The following PRDM6 variants were observed in gnomAD, a reference collection of about 807,000 sequenced individuals.
PRDM6 encodes putative histone-lysine N-methyltransferase PRDM6.
PRDM6 carries 25 observed loss-of-function variants against 60.8 expected under a neutral mutation model. That is an observed-to-expected ratio of 0.41 (90% CI 0.30 to 0.57). The LOEUF is 0.57. Among genes scored for constraint, PRDM6 ranks in the 20% least tolerant of loss-of-function variants. The pLI is 0.27. For missense variants in PRDM6, 839 were observed against 821.3 expected, an observed-to-expected ratio of 1.02 and a Z score of -0.26; for synonymous variants, 407 against 357.4, an observed-to-expected ratio of 1.14 and a Z score of -1.57.
intron 3 of PRDM6, among the ~76,000 whole-genome samples, chr5:123,103,543 A>G (rs923198727): frequency 6.6e-6 from 1 of 152,094 alleles, no homozygotes; most frequent in African/African-American, 2.4e-5. Flanking sequence ...GAATGAGATA[A>G]TTTTATCCTA....
At chr5:123,127,168 G>T (rs1764712104) in intron 3 of PRDM6, among the ~76,000 whole-genome samples, 1 of 152,116 alleles carries the variant, frequency 6.6e-6, no homozygotes, top group African/African-American at 2.4e-5. Flanking sequence ...CTCCAGAGCA[G>T]CTGGGATTAC....
rs561814679 is a variant in PRDM6 at position 123,090,182 on chromosome 5, C to CCGCCG, written c.169_170insGCCGC (p.Pro57ArgfsTer68). ...AGCCTCTTCAGCCGCCGCCGCCGCC[C>CCGCCG]CCGCCCCCGGAGCGCGCTGAGCCTC... is the stretch of plus-strand genomic sequence containing the variant. On this transcript the variant is annotated frameshift_variant, in exon 2 of 8. Transcript: ENST00000407847. LOFTEE classifies it high-confidence loss of function. The CCGCCG allele has an allele frequency of 1.9e-3, 2,810 of 1,476,428 alleles. 46 individuals carry two copies. The African/African-American group carries it at 0.038, about 20-fold the overall frequency. The allele number at this position is 1,476,428 out of a possible 1,614,324, so 91.5% of individuals were successfully genotyped here.
chr5:123,172,043 T>C (rs752027466), intron 6 of PRDM6, among the ~76,000 whole-genome samples: 4 of 152,150 alleles, frequency 2.6e-5, no homozygotes, highest in Non-Finnish European at 5.9e-5. Flanking sequence ...TTTTTGAAGC[T>C]GGGGTAGGAG....
Position 123,099,876 on chromosome 5 carries a change from C to T in PRDM6, c.815C>T (p.Thr272Ile). ...ICAAQRIQQG[T>I]WIGPFQGVLL... Reference sequence around the variant, plus strand: ...GCGGCGCAGAGGATCCAGCAAGGCACCTGGATTGGACCTTTCCAAGGCGTG... The same window carrying T: ...GCGGCGCAGAGGATCCAGCAAGGCATCTGGATTGGACCTTTCCAAGGCGTG... Residue 272 changes from threonine (T) to isoleucine (I), a missense_variant, in exon 3 of 8, where the codon ACC becomes ATC. Thr to Ile is a moderately conservative substitution (Grantham distance 89). Coordinates refer to ENST00000407847, the MANE Select transcript of PRDM6 (RefSeq NM_001136239.4). This position sits in a 1 kb window ranked among gnomAD's most constrained non-coding sequence, Gnocchi z 4.0. The T allele has an allele frequency of 6.4e-7, 1 of 1,550,412 alleles. No individual in the cohort carries two copies. Among genetic ancestry groups the T allele is most frequent in the Non-Finnish European group, 8.7e-7 (1 of 1,146,696 alleles).
At chr5:123,094,432 T>TTTTCTCTCTCTC (rs113383682) in intron 2 of PRDM6, among the ~76,000 whole-genome samples, 15 of 147,956 alleles carry the variant, frequency 1.0e-4, no homozygotes, top group Non-Finnish European at 1.9e-4. Context: ...GCTTTTGTGT[T>TTTTCTCTCTCTC]TCTCTCTCTC....
intron 3 of PRDM6, among the ~76,000 whole-genome samples, chr5:123,100,340 A>ATGTT (rs1391300804): frequency 6.6e-6 from 1 of 152,216 alleles, no homozygotes; most frequent in Non-Finnish European, 1.5e-5. Flanking sequence ...GGGCATTAGA[A>ATGTT]TGTTTGAGCT....
intron 3 of PRDM6, among the ~76,000 whole-genome samples, chr5:123,119,657 T>C (rs1561824438): frequency 6.6e-6 from 1 of 152,230 alleles, no homozygotes; most frequent in African/African-American, 2.4e-5. Context: ...TCACAAGACA[T>C]GCTTCAGACC....
intron 3 of PRDM6, among the ~76,000 whole-genome samples, chr5:123,111,220 T>A (rs1478803710): frequency 6.6e-6 from 1 of 152,144 alleles, no homozygotes; most frequent in Non-Finnish European, 1.5e-5. Context: ...TGCCATAATT[T>A]AAAAAAATCT....
intron 4 of PRDM6, among the ~76,000 whole-genome samples, chr5:123,159,232 T>A (rs1018172234): frequency 4.6e-5 from 7 of 152,236 alleles, no homozygotes; most frequent in African/African-American, 7.2e-5. Context: ...GAAATTTTTT[T>A]AAAATTAATT....
At chr5:123,090,638 GGGGCGC>G in intron 2 of PRDM6, 32 bp downstream of exon 2, 1 of 1,457,582 alleles carries the variant, frequency 6.9e-7, no homozygotes, top group Non-Finnish European at 9.0e-7. Flanking sequence ...GCTCTCTCCC[GGGGCGC>G]CGGCGCCGGC....
At chr5:123,114,658 A>G (rs1764393193) in intron 3 of PRDM6, among the ~76,000 whole-genome samples, 1 of 152,242 alleles carries the variant, frequency 6.6e-6, no homozygotes, top group South Asian at 2.1e-4. Context: ...CAGGTTTAAG[A>G]TTAAGGTAAC....
At chr5:123,150,819 A>T (rs1190424064) in intron 3 of PRDM6, among the ~76,000 whole-genome samples, 1 of 152,190 alleles carries the variant, frequency 6.6e-6, no homozygotes, top group East Asian at 1.9e-4. Flanking sequence ...GGAAATCTCC[A>T]ACGACCTTTT....
intron 2 of PRDM6, among the ~76,000 whole-genome samples, chr5:123,097,733 C>A (rs1052892655): frequency 6.6e-6 from 1 of 152,126 alleles, no homozygotes; most frequent in African/African-American, 2.4e-5. Context: ...GCCCTGGGGT[C>A]AAAAGCAGAG....
At chr5:123,168,716 G>T (rs1233199587) in intron 5 of PRDM6, among the ~76,000 whole-genome samples, 2 of 152,214 alleles carry the variant, frequency 1.3e-5, no homozygotes, top group Admixed American at 1.3e-4. Context: ...CTCTTTCTAG[G>T]TCTGCAAGTC....
At chr5:123,183,150 T>C (rs1766204381) in intron 7 of PRDM6, among the ~76,000 whole-genome samples, 2 of 152,208 alleles carry the variant, frequency 1.3e-5, no homozygotes, top group South Asian at 4.1e-4. Flanking sequence ...CTTCAACTAA[T>C]GGGTATTGGC....
At chr5:123,151,443 G>T (rs886473682) in intron 3 of PRDM6, among the ~76,000 whole-genome samples, 2 of 152,178 alleles carry the variant, frequency 1.3e-5, no homozygotes, top group Admixed American at 1.3e-4. Context: ...GACTGAATGA[G>T]GTGAGGAAGG....
At position 123,171,004 on chromosome 5, in the gene PRDM6, C is replaced by G. The variant is rs2126884250; in HGVS notation, c.1392C>G (p.His464Gln). 1 of 1,551,930 alleles carries G rather than the reference C, an allele frequency of 6.4e-7. No homozygotes were observed. Residue 464 changes from histidine to glutamine, a missense_variant, in exon 6 of 8, where the codon CAC becomes CAG. His to Gln is a conservative substitution (Grantham distance 24). Coordinates refer to ENST00000407847, the MANE Select transcript of PRDM6 (RefSeq NM_001136239.4). Reference protein sequence around the residue: ...LASPTSTSQLHSEFSDWHLWK... With the variant: ...LASPTSTSQLQSEFSDWHLWK... The stretch of plus-strand genomic sequence containing the variant: ...GCCCAACTTCCACAAGCCAGCTCCA[C>G]TCGGAGTTCAGTGACTGGCATCTTT...
At chr5:123,119,381 GA>G (rs1764529424) in intron 3 of PRDM6, among the ~76,000 whole-genome samples, 1 of 152,172 alleles carries the variant, frequency 6.6e-6, no homozygotes, top group Admixed American at 6.5e-5. Context: ...AGAAGGTGAG[GA>G]AAGAAGTGAA....
chr5:123,186,135 G>A (rs1766284143), intron 7 of PRDM6, among the ~76,000 whole-genome samples: 1 of 152,210 alleles, frequency 6.6e-6, no homozygotes, highest in Non-Finnish European at 1.5e-5. Flanking sequence ...GTCGCTGTCT[G>A]TGCCCAGCCA....
Sources: allele counts gnomAD v4.1 joint callset (sites outside exome capture counted in the v4.1 genomes callset), GRCh38; gene constraint gnomAD v4.1.1; non-coding constraint Gnocchi (gnomAD v3.1); transcripts MANE v1.5; gene names NCBI Gene and HGNC (gene_info 2026-07-23, HGNC 2026-07-21).